Variants in GABRA2 observed in about 807,000 individuals in gnomAD.
GABRA2 encodes gamma-aminobutyric acid receptor subunit alpha-2.
Under a neutral mutation model 48.7 loss-of-function variants are expected in GABRA2, and 16 were observed. The observed-to-expected ratio is 0.33, with a 90% confidence interval of 0.22 to 0.50. GABRA2 has a LOEUF of 0.50. GABRA2 is among the 20% of genes least tolerant of loss of function. GABRA2 has a pLI of 0.98. For synonymous variants in GABRA2, 185 were observed against 184.5 expected, an observed-to-expected ratio of 1.00 and a Z score of -0.02; for missense variants, 275 against 535.6, an observed-to-expected ratio of 0.51 and a Z score of 4.80.
intron 8 of GABRA2, among the ~76,000 whole-genome samples, chr4:46,297,476 C>CATATATATATATATATATATATATATAT (rs56201706): frequency 2.3e-5 from 2 of 87,914 alleles, no homozygotes; most frequent in African/African-American, 4.9e-5. Flanking sequence ...AATAAAATCC[C>CATATATATATATATATATATATATATAT]ATATATATAT....
At chr4:46,259,302 CAG>C (rs1384549444) in intron 9 of GABRA2, among the ~76,000 whole-genome samples, 2 of 151,760 alleles carry the variant, frequency 1.3e-5, no homozygotes, top group African/African-American at 2.4e-5. Flanking sequence ...CATAACAATT[CAG>C]AGTTTGATAA....
At chr4:46,363,515 A>G (rs1041373369) in intron 3 of GABRA2, among the ~76,000 whole-genome samples, 12 of 152,176 alleles carry the variant, frequency 7.9e-5, no homozygotes, top group Non-Finnish European at 1.5e-4. Flanking sequence ...ACTAAAAAAT[A>G]AGACAAGATA....
intron 3 of GABRA2, chr4:46,365,268 T>C (rs1713864480): frequency 6.6e-6 from 1 of 152,140 alleles, no homozygotes; most frequent in Admixed American, 6.6e-5. Context: ...AATTCTAGTG[T>C]ATGACAAGAA....
rs201406671 is a variant in GABRA2 at position 46,312,684 on chromosome 4, T to C, written c.288A>G (p.Lys96=). ...TAAATTTTAAACGTTCATCTTTCCA[T>C]TTTTGTCGAAAGAAAACATCAATTG... ...EYTIDVFFRQ[K]WKDERLKFKG... The change falls in exon 5 of 10, where the codon AAA becomes AAG. Residue 96 remains lysine, a synonymous_variant. Transcript: ENST00000381620. The C allele has an allele frequency of 2.6e-6, 4 of 1,519,456 alleles. No individual in the cohort carries two copies. In the South Asian group the frequency reaches 3.9e-5, roughly 15 times the overall value. The allele number at this position is 1,519,456 out of a possible 1,614,324, so 94.1% of individuals were successfully genotyped here.
chr4:46,382,607 A>C (rs1029544711), intron 3 of GABRA2, among the ~76,000 whole-genome samples: 4 of 152,182 alleles, frequency 2.6e-5, no homozygotes, highest in African/African-American at 9.7e-5. Context: ...AAATTTTTAA[A>C]GGGATCTATT....
chr4:46,342,229 T>C (rs1733363445), intron 3 of GABRA2, among the ~76,000 whole-genome samples: 1 of 152,076 alleles, frequency 6.6e-6, no homozygotes, highest in Non-Finnish European at 1.5e-5. Context: ...GCTCCTCAAA[T>C]TGTTGCATGG....
rs943953646 is a variant in GABRA2 at position 46,301,574 on chromosome 4, C to T, written c.856+1886G>A. On this transcript the variant is annotated intron_variant, in intron 8 of 9. Transcript: ENST00000381620. ...CATTGTCTTTCATCCCTTAATGTCACTGCACAATCTATTCTTTTGAGCTAG... is the reference window on the plus strand; with the variant it reads ...CATTGTCTTTCATCCCTTAATGTCATTGCACAATCTATTCTTTTGAGCTAG... 1.1e-4 allele frequency among the ~76,000 whole-genome samples: 16 copies of T among 152,288 alleles called. No individual in the cohort carries two copies. The South Asian group carries it at 2.1e-3, about 20-fold the overall frequency.
intron 9 of GABRA2, among the ~76,000 whole-genome samples, chr4:46,255,431 A>G (rs1282659180): frequency 4.0e-5 from 6 of 151,558 alleles, no homozygotes; most frequent in African/African-American, 1.5e-4. Context: ...CTGGGAAATA[A>G]TTAAACAGGC....
At chr4:46,287,181 C>G (rs1335217467) in intron 8 of GABRA2, among the ~76,000 whole-genome samples, 3 of 152,014 alleles carry the variant, frequency 2.0e-5, no homozygotes, top group South Asian at 2.1e-4. Flanking sequence ...TGGCAGTTAT[C>G]TGGCTATAAC....
At chr4:46,318,101 T>A (rs1728847544) in intron 4 of GABRA2, among the ~76,000 whole-genome samples, 1 of 151,476 alleles carries the variant, frequency 6.6e-6, no homozygotes, top group African/African-American at 2.4e-5. Context: ...AAATTTAGAA[T>A]CTTTTAATTG....
rs1302487790 is a variant in GABRA2 at position 46,388,690 on chromosome 4, T to C, written c.17A>G (p.Asn6Ser). The stretch of plus-strand genomic sequence containing the variant: ...AAGCAGGAACTGCATGTTGTAGATG[T>C]TCAATTTTGTCTTCATCACCGCCGC... MKTKL[N>S]IYNMQFLLFV... Residue 6 changes from asparagine (N) to serine (S), a missense_variant, in exon 2 of 10, where the codon AAC becomes AGC. Coordinates refer to ENST00000381620, the MANE Select transcript of GABRA2 (RefSeq NM_000807.4). 6.8e-6 allele frequency: 11 copies of C among 1,614,116 alleles called. No homozygotes were observed. Among genetic ancestry groups the C allele is most frequent in the Non-Finnish European group, 9.3e-6 (11 of 1,180,004 alleles).
chr4:46,280,812 C>T (rs1026959449), intron 8 of GABRA2, among the ~76,000 whole-genome samples: 3 of 152,026 alleles, frequency 2.0e-5, no homozygotes, highest in Admixed American at 2.0e-4. Context: ...ATGGTGGAGC[C>T]CTGATCAAAA....
At chr4:46,303,253 T>C in intron 8 of GABRA2, 1 of 531,604 alleles carries the variant, frequency 1.9e-6, no homozygotes, top group Non-Finnish European at 3.3e-6. Context: ...TTTAAGAATA[T>C]TTGAGTACTT....
At chr4:46,258,741 C>T (rs1716357792) in intron 9 of GABRA2, among the ~76,000 whole-genome samples, 1 of 151,718 alleles carries the variant, frequency 6.6e-6, no homozygotes, top group Non-Finnish European at 1.5e-5. Flanking sequence ...AGTTGCTGTG[C>T]TGGGCCTGAA....
chr4:46,266,748 G>T (rs1718330092), intron 8 of GABRA2, among the ~76,000 whole-genome samples: 1 of 124,184 alleles, frequency 8.1e-6, no homozygotes, highest in South Asian at 2.7e-4. Flanking sequence ...TTGAGATGGA[G>T]TCTCAGTCTG....
chr4:46,307,693 C>A (rs1397090491), intron 6 of GABRA2, among the ~76,000 whole-genome samples: 1 of 151,962 alleles, frequency 6.6e-6, no homozygotes, highest in African/African-American at 2.4e-5. Context: ...GAACTATGTT[C>A]TTTACTGCTA....
chr4:46,258,066 T>G (rs1360070949), intron 9 of GABRA2, among the ~76,000 whole-genome samples: 1 of 151,798 alleles, frequency 6.6e-6, no homozygotes, highest in Non-Finnish European at 1.5e-5. Context: ...ATTCCAGGAA[T>G]AGGTTAGATA....
intron 8 of GABRA2, among the ~76,000 whole-genome samples, chr4:46,264,702 A>C (rs2109363609): frequency 6.6e-6 from 1 of 152,068 alleles, no homozygotes; most frequent in South Asian, 2.1e-4. Flanking sequence ...GGCCTTATAA[A>C]GTGAGTCAGG....
At chr4:46,374,958 A>G (rs1359330069) in intron 3 of GABRA2, among the ~76,000 whole-genome samples, 2 of 152,114 alleles carry the variant, frequency 1.3e-5, no homozygotes. Flanking sequence ...ACAGAATACT[A>G]TTTAAAAAAA....
Sources: gnomAD v4.1 joint callset for allele counts (sites outside exome capture counted in the v4.1 genomes callset) on GRCh38, gnomAD v4.1.1 for gene constraint, MANE v1.5 for transcripts, NCBI Gene and HGNC (gene_info 2026-07-23, HGNC 2026-07-21) for gene names.